ADGRL2: variants seen among roughly 807,000 people sequenced by gnomAD.
ADGRL2 encodes calcium-independent alpha-latrotoxin receptor 2.
Under a neutral mutation model 157.4 loss-of-function variants are expected in ADGRL2, and 44 were observed. The observed-to-expected ratio is 0.28, with a 90% confidence interval of 0.22 to 0.36. ADGRL2 has a LOEUF of 0.36. Ranked by LOEUF, ADGRL2 falls within the 10% of genes least tolerant of loss-of-function variation. The pLI is 1.00. For missense variants in ADGRL2, 1,510 were observed against 1,768.9 expected, an observed-to-expected ratio of 0.85 and a Z score of 2.63; for synonymous variants, 585 against 624.7, an observed-to-expected ratio of 0.94 and a Z score of 0.95.
intron 2 of ADGRL2, among the ~76,000 whole-genome samples, chr1:81,870,981 A>G (rs2093676957): frequency 6.7e-6 from 1 of 150,256 alleles, no homozygotes; most frequent in Non-Finnish European, 1.5e-5. Context: ...ACATGTGCAC[A>G]ATGTGCAGGT....
chr1:81,334,992 A>C (rs747917638), intron 1 of ADGRL2, among the ~76,000 whole-genome samples: 1 of 152,192 alleles, frequency 6.6e-6, no homozygotes, highest in Non-Finnish European at 1.5e-5. Context: ...TTGTTGCAGT[A>C]TATTTTCTAT....
rs556298677 is a variant in ADGRL2 at position 81,488,128 on chromosome 1, A to AT, written c.-248+43045dup. ...AGCACCATTTTTCCCCTTTATTTTTATTTTTTCCTCTTTTGAGGAAATTAA... is the reference window on the plus strand; with the variant it reads ...AGCACCATTTTTCCCCTTTATTTTTATTTTTTTCCTCTTTTGAGGAAATTAA... On this transcript the variant is annotated intron_variant, in intron 2 of 24. Transcript: ENST00000370721. 4.0e-5 allele frequency among the ~76,000 whole-genome samples: 6 copies of AT among 150,600 alleles called. No individual in the cohort carries two copies. The South Asian group carries it at 1.1e-3, about 26-fold the overall frequency.
upstream of ADGRL2, among the ~76,000 whole-genome samples, chr1:81,800,737 G>A (rs1353626643): frequency 6.6e-6 from 1 of 151,758 alleles, no homozygotes; most frequent in African/African-American, 2.4e-5. Context: ...CGCGCCGGCG[G>A]AGCGCGCGGA....
At chr1:81,624,554 C>A (rs957280384) in intron 3 of ADGRL2, among the ~76,000 whole-genome samples, 1 of 152,084 alleles carries the variant, frequency 6.6e-6, no homozygotes, top group East Asian at 1.9e-4. Context: ...TGCCCCACCC[C>A]CCCCAAAAAT....
intron 3 of ADGRL2, among the ~76,000 whole-genome samples, chr1:81,627,339 G>A (rs2081931105): frequency 6.6e-6 from 1 of 152,064 alleles, no homozygotes; most frequent in Admixed American, 6.5e-5. Flanking sequence ...CAGAATAGTT[G>A]TGCAGCGTCA....
chr1:81,426,689 G>A (rs769050870), intron 1 of ADGRL2: 51 of 471,800 alleles, frequency 1.1e-4, no homozygotes, highest in Non-Finnish European at 2.0e-4. Context: ...CAGGGGGTTT[G>A]GTTTTGTGAC....
At chr1:81,804,924 A>G (rs762741360) in intron 1 of ADGRL2, among the ~76,000 whole-genome samples, 1 of 152,222 alleles carries the variant, frequency 6.6e-6, no homozygotes, top group Non-Finnish European at 1.5e-5. Flanking sequence ...ATAGGGAAAA[A>G]GTCAGCGGAG....
intron 1 of ADGRL2, among the ~76,000 whole-genome samples, chr1:81,330,012 T>A (rs1338283688): frequency 6.6e-6 from 1 of 152,178 alleles, no homozygotes; most frequent in African/African-American, 2.4e-5. Flanking sequence ...GAAAGAAAAC[T>A]GTTATTTTGA....
chr1:81,353,779 G>A (rs946030857), intron 1 of ADGRL2, among the ~76,000 whole-genome samples: 1 of 152,202 alleles, frequency 6.6e-6, no homozygotes, highest in South Asian at 2.1e-4. Flanking sequence ...TAGTGTGAAC[G>A]TGTCAAGGAT....
At chr1:81,376,366 C>A (rs1345775620) in intron 1 of ADGRL2, among the ~76,000 whole-genome samples, 1 of 152,102 alleles carries the variant, frequency 6.6e-6, no homozygotes, top group African/African-American at 2.4e-5. Flanking sequence ...ATTTTGGGAA[C>A]TTTTCCAGCC....
intron 1 of ADGRL2, among the ~76,000 whole-genome samples, chr1:81,308,512 T>G (rs2100529700): frequency 6.6e-6 from 1 of 152,286 alleles, no homozygotes; most frequent in Non-Finnish European, 1.5e-5. Flanking sequence ...GAACGCCATG[T>G]AATACTCTGT....
At position 81,957,840 on chromosome 1, in the gene ADGRL2, A is replaced by G. The variant is rs148007442; in HGVS notation, c.2017+1780A>G. 2.2e-4 allele frequency among the ~76,000 whole-genome samples: 33 copies of G among 152,016 alleles called. No homozygotes were observed. The East Asian group carries it at 6.1e-3, about 28-fold the overall frequency. On this transcript the variant is annotated intron_variant, in intron 11 of 23. Transcript: ENST00000686636. ...AATAATGCTTGGTATTTACTAGTCTAAATGCTGATTACCCAAGAATTATCA... is the reference window on the plus strand; with the variant it reads ...AATAATGCTTGGTATTTACTAGTCTGAATGCTGATTACCCAAGAATTATCA...
chr1:81,624,811 C>T (rs1570669364), intron 3 of ADGRL2, among the ~76,000 whole-genome samples: 1 of 152,182 alleles, frequency 6.6e-6, no homozygotes, highest in Non-Finnish European at 1.5e-5. Flanking sequence ...CCCCCAAACT[C>T]ATTTAATGTC....
chr1:81,748,467 C>CAAAAA (rs973818702), intron 1 of ADGRL2, among the ~76,000 whole-genome samples: 80 of 42,006 alleles, frequency 1.9e-3, no homozygotes, highest in Non-Finnish European at 2.2e-3. Flanking sequence ...GATTCCGTCT[C>CAAAAA]AAAAAAAAAA....
chr1:81,570,234 C>T (rs900837631), intron 2 of ADGRL2, among the ~76,000 whole-genome samples: 1 of 152,110 alleles, frequency 6.6e-6, no homozygotes, highest in Non-Finnish European at 1.5e-5. Flanking sequence ...TGGCTATGTT[C>T]CCAGCACAAA....
chr1:81,860,091 G>A (rs933875474), intron 2 of ADGRL2, among the ~76,000 whole-genome samples: 3 of 152,048 alleles, frequency 2.0e-5, no homozygotes, highest in Non-Finnish European at 2.9e-5. Flanking sequence ...GGGCGTAATG[G>A]CAGGTGCTTG....
chr1:81,544,604 C>G (rs1434291929), intron 2 of ADGRL2, among the ~76,000 whole-genome samples: 1 of 152,110 alleles, frequency 6.6e-6, no homozygotes, highest in Non-Finnish European at 1.5e-5. Flanking sequence ...GCCAAGTTGC[C>G]TAGTCCTGCC....
intron 3 of ADGRL2, among the ~76,000 whole-genome samples, chr1:81,672,854 G>C (rs2082903750): frequency 6.6e-6 from 1 of 152,150 alleles, no homozygotes; most frequent in African/African-American, 2.4e-5. Context: ...AACTGAAACA[G>C]CAGTTTTCTT....
At chr1:81,892,541 C>G (rs752919979) in intron 2 of ADGRL2, among the ~76,000 whole-genome samples, 36 of 152,074 alleles carry the variant, frequency 2.4e-4, no homozygotes, top group Non-Finnish European at 4.6e-4. Flanking sequence ...TACTCCATAT[C>G]AAAACATTCA....
Sources: gnomAD v4.1 joint callset for allele counts (sites outside exome capture counted in the v4.1 genomes callset) on GRCh38, gnomAD v4.1.1 for gene constraint, MANE v1.5 for transcripts, NCBI Gene and HGNC (gene_info 2026-07-23, HGNC 2026-07-21) for gene names.